BCL2L12: variants seen among roughly 807,000 people sequenced by gnomAD.
BCL2L12 encodes BCL2 like 12.
In BCL2L12, 27 loss-of-function variants were observed where a neutral mutation model predicts 25.7. That is an observed-to-expected ratio of 1.05 (90% CI 0.78 to 1.45). The LOEUF is 1.45. BCL2L12 is among the 40% of genes most tolerant of loss of function. The pLI is 0.00. For synonymous variants in BCL2L12, 132 were observed against 145.6 expected, an observed-to-expected ratio of 0.91 and a Z score of 0.67; for missense variants, 302 against 329.8, an observed-to-expected ratio of 0.92 and a Z score of 0.65.
chr19:49,670,231 G>T lies in BCL2L12; in HGVS notation c.445G>T (p.Ala149Ser), dbSNP rs1237153149. 5 of 1,606,690 alleles carry T rather than the reference G, an allele frequency of 3.1e-6. No individual in the cohort carries two copies. In the African/African-American group the frequency reaches 6.7e-5, roughly 21 times the overall value. ...CACCCTACAGCTGGCCTCGGACCCC[G>T]CCCTGCGCAGCAAGCTGGTCCGCCT... ...VINQKLASDP[A>S]LRSKLVRLSS... is the part of the protein sequence containing the mutation. The change falls in exon 6 of 7, where the codon GCC becomes TCC. Residue 149 changes from alanine (A) to serine (S), a missense_variant. Ala to Ser is a moderately conservative substitution (Grantham distance 99, BLOSUM62 1). Coordinates refer to ENST00000246784, the MANE Select transcript of BCL2L12 (RefSeq NM_138639.2).
intron 5 of BCL2L12, among the ~76,000 whole-genome samples, chr19:49,669,554 A>G (rs1599916995): frequency 6.6e-6 from 1 of 151,076 alleles, no homozygotes; most frequent in South Asian, 2.1e-4. Flanking sequence ...AAAAAAAAAA[A>G]GAATAGTTGA....
chr19:49,665,939 T>C lies in BCL2L12; in HGVS notation c.-137T>C, dbSNP rs772366601. On this transcript the variant is annotated 5_prime_UTR_variant, in exon 1 of 7. Coordinates refer to ENST00000246784, the MANE Select transcript of BCL2L12 (RefSeq NM_138639.2). ...CGTGCACCCAGCGTTCCGCCCTTTC[T>C]ACGCTGGGCCGGTTATCGACCCGGC... 14 of 1,613,744 alleles carry C rather than the reference T, an allele frequency of 8.7e-6. No individual in the cohort carries two copies. The highest frequency in any genetic ancestry group is 1.2e-5 in the Non-Finnish European group (14 of 1,179,802).
In BCL2L12 at chr19:49,665,943, C is replaced by G; in HGVS notation, c.-133C>G. 1 of 1,613,760 alleles carries G rather than the reference C, an allele frequency of 6.2e-7. No individual in the cohort carries two copies. Among genetic ancestry groups the G allele is most frequent in the Non-Finnish European group, 8.5e-7 (1 of 1,179,850 alleles). ...CACCCAGCGTTCCGCCCTTTCTACG[C>G]TGGGCCGGTTATCGACCCGGCCCAG... On this transcript the variant is annotated 5_prime_UTR_variant, in exon 1 of 7. Coordinates refer to ENST00000246784, the MANE Select transcript of BCL2L12 (RefSeq NM_138639.2).
intron 5 of BCL2L12, 132 bp from the exon 6 acceptor site, chr19:49,670,084 A>T: frequency 8.1e-7 from 1 of 1,233,238 alleles, no homozygotes; most frequent in Non-Finnish European, 1.1e-6. Flanking sequence ...TTGATTGGCT[A>T]ATATGGATGA....
chr19:49,666,938 C>CG, intron 2 of BCL2L12, 81 bp from the exon 3 acceptor site: 1 of 1,554,342 alleles, frequency 6.4e-7, no homozygotes, highest in South Asian at 1.2e-5. Context: ...AGGTCCTCAG[C>CG]GGGGGAGGGA....
intron 3 of BCL2L12, among the ~76,000 whole-genome samples, 196 bp from the exon 4 acceptor site, chr19:49,668,655 C>T (rs554356963): frequency 2.0e-4 from 30 of 152,148 alleles, no homozygotes; most frequent in African/African-American, 7.0e-4. Flanking sequence ...CCAGGTATGG[C>T]GGCGTGCGCC....
chr19:49,671,587 A>G (rs900286735), intron 6 of BCL2L12, among the ~76,000 whole-genome samples: 2 of 152,182 alleles, frequency 1.3e-5, no homozygotes, highest in Non-Finnish European at 2.9e-5. Context: ...GTGGTGAGCT[A>G]TGATTGCGCC....
In BCL2L12 at chr19:49,672,506, C is replaced by T. The variant is rs115141187; in HGVS notation, c.703-1192C>T. On this transcript the variant is annotated intron_variant, in intron 6 of 6. Coordinates refer to ENST00000246784, the MANE Select transcript of BCL2L12 (RefSeq NM_138639.2). This position sits in a 1 kb window ranked among gnomAD's most constrained non-coding sequence, Gnocchi z 4.1. Reference sequence around the variant, plus strand: ...AGGCGCTGATTTAGGCGCTAATGGGCGCCCTCTGGCGGCTGCCTGGGGACA... The same window carrying T: ...AGGCGCTGATTTAGGCGCTAATGGGTGCCCTCTGGCGGCTGCCTGGGGACA... Among the ~76,000 whole-genome samples the T allele has an allele frequency of 1.5e-3, 233 of 152,256 alleles. No homozygotes were observed. Among genetic ancestry groups the T allele is most frequent in the African/African-American group, 5.2e-3 (218 of 41,526 alleles).
Position 49,666,124 on chromosome 19 carries a change from C to A in BCL2L12, c.-9+57C>A. 4 of 1,510,180 alleles carry A rather than the reference C, an allele frequency of 2.6e-6. No individual in the cohort carries two copies. In the African/African-American group the frequency reaches 4.1e-5, roughly 16 times the overall value. The allele number at this position is 1,510,180 out of a possible 1,614,324, so 93.5% of individuals were successfully genotyped here. A position where few individuals can be genotyped will look rare whatever the true frequency, so the allele number is the denominator to read the frequency against. ...GGAGGGAAGAGGAGGGGGCCGGGAT[C>A]CAGTGGTGGGCACCCCAGTCCCGCT... On this transcript the variant is annotated intron_variant, in intron 1 of 6. Transcript: ENST00000246784.
At chr19:49,671,736 T>C (rs1048273412) in intron 6 of BCL2L12, among the ~76,000 whole-genome samples, 1 of 152,192 alleles carries the variant, frequency 6.6e-6, no homozygotes, top group Admixed American at 6.5e-5. Flanking sequence ...CTGCCTGGCA[T>C]GCAGGCATTT....
chr19:49,668,817 C>G (rs754877289), intron 3 of BCL2L12, 34 bp from the exon 4 acceptor site: 2 of 1,585,190 alleles, frequency 1.3e-6, no homozygotes, highest in Admixed American at 3.4e-5. Flanking sequence ...TTTCCAATGT[C>G]CTGGAAACCT....
Position 49,670,324 on chromosome 19 carries a change from C to T in BCL2L12, c.538C>T (p.Arg180Ter). Residue 180 changes from arginine to a stop codon, truncating the protein, a stop_gained, in exon 6 of 7, where the codon CGA becomes TGA. Transcript: ENST00000246784. LOFTEE classifies it high-confidence loss of function. The part of the protein sequence containing the change: ...CSRDDSSRPS[R>*]ACPGPPPPSP... ...CCGGGATGACAGCTCTCGCCCAAGC[C>T]GAGCATGCCCCGGGCCCCCGCCTCC... The T allele has an allele frequency of 1.9e-6, 3 of 1,605,638 alleles. No individual in the cohort carries two copies. Among genetic ancestry groups the T allele is most frequent in the Non-Finnish European group, 2.5e-6 (3 of 1,177,272 alleles).
At chr19:49,668,969 G>A in intron 4 of BCL2L12, 32 bp downstream of exon 4, 1 of 1,613,992 alleles carries the variant, frequency 6.2e-7, no homozygotes, top group Non-Finnish European at 8.5e-7. Flanking sequence ...GAGAAGGATG[G>A]CGGTGGGAGG....
intron 5 of BCL2L12, among the ~76,000 whole-genome samples, chr19:49,669,494 C>T (rs1220021972): frequency 1.3e-5 from 2 of 151,064 alleles, no homozygotes; most frequent in Non-Finnish European, 2.9e-5. Context: ...CAAGATTGCG[C>T]CACTGCACTC....
rs1301557913 is a variant in BCL2L12, at chr19:49,670,371, C to T, written c.585C>T (p.Arg195=). 4 of 1,582,358 alleles carry T rather than the reference C, an allele frequency of 2.5e-6. No individual in the cohort carries two copies. Among genetic ancestry groups the T allele is most frequent in the Admixed American group, 3.6e-5 (2 of 55,868 alleles). ...PPPPSPEPLA[R]LALAMELSRR... Reference sequence around the variant, plus strand: ...CTCCTTCCCCGGAGCCCCTGGCCCGCCTGGCCCTAGCCATGGAGCTGAGCC... The same window carrying T: ...CTCCTTCCCCGGAGCCCCTGGCCCGTCTGGCCCTAGCCATGGAGCTGAGCC... Residue 195 remains arginine, a synonymous_variant, in exon 6 of 7, where the codon CGC becomes CGT. Coordinates refer to ENST00000246784, the MANE Select transcript of BCL2L12 (RefSeq NM_138639.2).
chr19:49,670,488 G>A lies in BCL2L12; in HGVS notation c.702G>A (p.Trp234Ter). The change falls in exon 6 of 7, where the codon TGG becomes TGA. Residue 234 changes from tryptophan to a stop codon, truncating the protein, a stop_gained and splice_region_variant. Coordinates refer to ENST00000246784, the MANE Select transcript of BCL2L12 (RefSeq NM_138639.2). LOFTEE classifies it high-confidence loss of function. ...CCTGGATCCAGGCCCACGGGGGCTG[G>A]GTGAGCCGCTGAAGCCTCTCTCTCC... ...FTPWIQAHGG[W>*]EGILAVSPVD... 6.5e-7 allele frequency: 1 copy of A among 1,537,460 alleles called. No homozygotes were observed. Among genetic ancestry groups the A allele is most frequent in the South Asian group, 1.2e-5 (1 of 82,650 alleles).
chr19:49,665,814 C>T, upstream of BCL2L12: 3 of 1,584,586 alleles, frequency 1.9e-6, no homozygotes, highest in Non-Finnish European at 2.6e-6. Context: ...GGTAACAGAC[C>T]CAAAAGCCGA....
chr19:49,667,113 C>A lies in BCL2L12; in HGVS notation c.202C>A (p.Pro68Thr), dbSNP rs149021967. Residue 68 changes from proline (P) to threonine (T), a missense_variant, in exon 3 of 7, where the codon CCT becomes ACT. Physicochemically the swap from Pro to Thr is conservative, Grantham distance 38. Coordinates refer to ENST00000246784, the MANE Select transcript of BCL2L12 (RefSeq NM_138639.2). The stretch of plus-strand genomic sequence containing the variant: ...GCGAGGAGCAGCCCCCTCTGAGTCC[C>A]CTCGGCCTTGCTCTCTGCCCATCCG... ...LGRGAAPSES[P>T]RPCSLPIRPC... 6.2e-7 allele frequency: 1 copy of A among 1,614,042 alleles called. No homozygotes were observed. Among genetic ancestry groups the A allele is most frequent in the East Asian group, 2.2e-5 (1 of 44,870 alleles).
chr19:49,666,215 C>T (rs1222492911), intron 1 of BCL2L12, 148 bp downstream of exon 1: 7 of 1,164,638 alleles, frequency 6.0e-6, no homozygotes, highest in Non-Finnish European at 8.2e-6. Context: ...GGAACTACAC[C>T]TCACAGCAGG....
Sources: gnomAD v4.1 joint callset for allele counts (sites outside exome capture counted in the v4.1 genomes callset) on GRCh38, gnomAD v4.1.1 for gene constraint, Gnocchi (gnomAD v3.1) non-coding constraint, MANE v1.5 for transcripts, NCBI Gene and HGNC (gene_info 2026-07-23, HGNC 2026-07-21) for gene names.